The following CUX1 variants were observed in gnomAD, a reference collection of about 807,000 sequenced individuals.
CUX1 encodes protein CASP.
In CUX1, 31 loss-of-function variants were observed where a neutral mutation model predicts 158.8. That is an observed-to-expected ratio of 0.20 (90% CI 0.15 to 0.26). The LOEUF is 0.26. Among genes scored for constraint, CUX1 ranks in the 10% least tolerant of loss-of-function variants. The pLI is 1.00. For synonymous variants in CUX1, 879 were observed against 862.1 expected (o/e 1.02, Z -0.34); for missense variants, 1,589 against 2,014.6 (o/e 0.79, Z 4.04).
chr7:101,958,639 C>G (rs1370343816), intron 2 of CUX1, among the ~76,000 whole-genome samples: 2 of 151,440 alleles, frequency 1.3e-5, no homozygotes, highest in African/African-American at 4.9e-5. Context: ...CACCACCATG[C>G]CTGGCTAATT....
intron 2 of CUX1, among the ~76,000 whole-genome samples, chr7:102,022,636 AAAAG>A (rs1449567523): frequency 2.0e-5 from 3 of 151,962 alleles, no homozygotes; most frequent in African/African-American, 7.2e-5. Context: ...AAAGAAAAGA[AAAAG>A]AAAAGAATGG....
Position 102,197,083 on chromosome 7 carries a change from C to T in CUX1, c.1672C>T (p.Arg558Trp), listed in dbSNP as rs781797071. The T allele has an allele frequency of 4.3e-6, 7 of 1,614,096 alleles. No individual in the cohort carries two copies. Among genetic ancestry groups the T allele is most frequent in the Non-Finnish European group, 5.9e-6 (7 of 1,180,050 alleles). ...GEEMDTAEIARQVKEQLIKHN... is the reference protein window; with the variant it reads ...GEEMDTAEIAWQVKEQLIKHN... ...GGAGATGGACACTGCAGAAATCGCCCGGCAGGTCAAAGAGCAGCTGATTAA... is the reference window on the plus strand; with the variant it reads ...GGAGATGGACACTGCAGAAATCGCCTGGCAGGTCAAAGAGCAGCTGATTAA... Residue 558 changes from arginine (R) to tryptophan (W), a missense_variant, in exon 15 of 24, where the codon CGG (arginine) becomes TGG (tryptophan). Arg to Trp is a moderately radical substitution (Grantham distance 101). Around this residue, in one of 8 missense-constraint regions of CUX1, gnomAD observed 37 missense variants for 124.9 expected, o/e 0.30. Coordinates refer to ENST00000292535, the MANE Select transcript of CUX1 (RefSeq NM_181552.4).
upstream of CUX1, chr7:101,816,157 G>T: frequency 3.1e-6 from 3 of 959,108 alleles, no homozygotes; most frequent in Non-Finnish European, 1.3e-6. Flanking sequence ...CGCGGCCTCC[G>T]CCGGGGGCCC....
chr7:101,912,415 G>A lies in CUX1; in HGVS notation c.31-3700G>A, dbSNP rs980152115. Among the ~76,000 whole-genome samples the A allele has an allele frequency of 3.9e-5, 6 of 152,140 alleles. No homozygotes were observed. The South Asian group carries it at 6.2e-4, about 16-fold the overall frequency. ...GCCCCTGCAGGTGGACACACAGACC[G>A]TAACGCAGAGGCTCACGTGTCCCAC... On this transcript the variant is annotated intron_variant, in intron 1 of 23. Coordinates refer to ENST00000292535, the MANE Select transcript of CUX1 (RefSeq NM_181552.4).
At chr7:102,216,578 ACT>A (rs1273297133) in intron 20 of CUX1, among the ~76,000 whole-genome samples, 1 of 36,358 alleles carries the variant, frequency 2.8e-5, no homozygotes, top group African/African-American at 7.1e-5. Context: ...CCACACACAC[ACT>A]CTCCCACACA....
intron 5 of CUX1, among the ~76,000 whole-genome samples, chr7:102,100,245 T>G (rs1829635129): frequency 1.3e-5 from 2 of 152,146 alleles, no homozygotes; most frequent in African/African-American, 4.8e-5. Context: ...ACCACTGTAC[T>G]CCAGTCTGGG....
intron 1 of CUX1, among the ~76,000 whole-genome samples, chr7:101,914,368 T>TTCCTTCCCTCCCTCCCTCCC (rs1563001952): frequency 7.9e-6 from 1 of 126,528 alleles, no homozygotes; most frequent in African/African-American, 3.3e-5. Flanking sequence ...CCTTCCTTCC[T>TTCCTTCCCTCCCTCCCTCCC]TCCCTCCCTC....
Position 102,252,903 on chromosome 7 carries a change from C to T in CUX1, c.*3861C>T. The stretch of plus-strand genomic sequence containing the variant: ...GAGGCATCTTGGCATGAGGCAGCTT[C>T]TAAGCGTCTCCTGGGACAGGATTGG... On this transcript the variant is annotated 3_prime_UTR_variant, in exon 24 of 24. Coordinates refer to ENST00000292535, the MANE Select transcript of CUX1 (RefSeq NM_181552.4). 2 of 985,494 alleles carry T rather than the reference C, an allele frequency of 2.0e-6. No homozygotes were observed. The highest frequency in any genetic ancestry group is 2.4e-6 in the Non-Finnish European group (2 of 829,960). 61.0% of individuals were successfully genotyped at this position (985,494 alleles called of 1,614,324 possible). A position where few individuals can be genotyped will look rare whatever the true frequency, so the allele number is the denominator to read the frequency against.
chr7:102,216,533 CCCA>C (rs60164212), intron 20 of CUX1, among the ~76,000 whole-genome samples: 9,943 of 95,446 alleles, frequency 0.1, 837 homozygotes, highest in African/African-American at 0.19. Context: ...CACTCTCCCC[CCCA>C]CACACACACA....
In CUX1 at chr7:101,988,709, G is replaced by A. The variant is rs112962154; in HGVS notation, c.142-39389G>A. Among the ~76,000 whole-genome samples the A allele has an allele frequency of 1.1e-3, 168 of 152,128 alleles. 1 individual carries two copies. Among genetic ancestry groups the A allele is most frequent in the Non-Finnish European group, 1.9e-3 (127 of 67,998 alleles). Reference sequence around the variant, plus strand: ...TTCCTTGCGACAGAGTCCTGCGTCGGGATACCAGGGGCTGGGCGCGGTGGT... The same window carrying A: ...TTCCTTGCGACAGAGTCCTGCGTCGAGATACCAGGGGCTGGGCGCGGTGGT... On this transcript the variant is annotated intron_variant, in intron 2 of 23. Coordinates refer to ENST00000292535, the MANE Select transcript of CUX1 (RefSeq NM_181552.4).
chr7:102,109,228 A>G (rs528452695), intron 6 of CUX1, among the ~76,000 whole-genome samples: 11 of 152,210 alleles, frequency 7.2e-5, no homozygotes, highest in Non-Finnish European at 1.5e-4. Context: ...TATTTGTACC[A>G]TGTAAGACAA....
At chr7:101,908,605 G>C (rs953933336) in intron 1 of CUX1, among the ~76,000 whole-genome samples, 1 of 152,140 alleles carries the variant, frequency 6.6e-6, no homozygotes, top group Non-Finnish European at 1.5e-5. Context: ...CACCATGCCT[G>C]GCCTCAATTT....
chr7:102,127,797 T>C (rs1832808344), intron 8 of CUX1, among the ~76,000 whole-genome samples: 1 of 152,118 alleles, frequency 6.6e-6, no homozygotes, highest in Admixed American at 6.6e-5. Context: ...TATGCCTTCA[T>C]GTTCTGCCAG....
In CUX1 at chr7:102,113,534, G is replaced by T. The variant is rs1653742008; in HGVS notation, c.608-1673G>T. Among the ~76,000 whole-genome samples the T allele has an allele frequency of 2.0e-5, 3 of 152,272 alleles. No homozygotes were observed. In the South Asian group the frequency reaches 6.2e-4, roughly 32 times the overall value. On this transcript the variant is annotated intron_variant, in intron 7 of 23. Coordinates refer to ENST00000292535, the MANE Select transcript of CUX1 (RefSeq NM_181552.4). ...GCCTCCGAAAGTGCTAGGATTACAGGCATGAGCCACTGCACCCAGCCTAAT... is the reference window on the plus strand; with the variant it reads ...GCCTCCGAAAGTGCTAGGATTACAGTCATGAGCCACTGCACCCAGCCTAAT...
chr7:101,846,725 G>A (rs1412782544), intron 1 of CUX1, among the ~76,000 whole-genome samples: 3 of 152,188 alleles, frequency 2.0e-5, no homozygotes, highest in Non-Finnish European at 2.9e-5. Flanking sequence ...CCAAGGAGGT[G>A]CTAGTGGCAG....
At chr7:101,865,484 TATC>T (rs1250529193) in intron 1 of CUX1, among the ~76,000 whole-genome samples, 1 of 152,240 alleles carries the variant, frequency 6.6e-6, no homozygotes, top group African/African-American at 2.4e-5. Flanking sequence ...TGTGTGGAGT[TATC>T]ATGTTTCTCA....
intron 2 of CUX1, among the ~76,000 whole-genome samples, chr7:101,931,659 G>C (rs1010825491): frequency 2.6e-5 from 4 of 152,036 alleles, no homozygotes; most frequent in Admixed American, 6.6e-5. Context: ...TCTGCCTTCC[G>C]GGCTCAAGCG....
chr7:102,065,283 CT>C, intron 3 of CUX1, among the ~76,000 whole-genome samples: 1 of 152,234 alleles, frequency 6.6e-6, no homozygotes, highest in South Asian at 2.1e-4. Context: ...TCTCACTATG[CT>C]GCCCAAGCTG....
intron 3 of CUX1, among the ~76,000 whole-genome samples, chr7:102,063,600 C>T (rs924979823): frequency 1.3e-5 from 2 of 151,996 alleles, no homozygotes; most frequent in South Asian, 4.1e-4. Context: ...ACCATGTTGG[C>T]CAGGCTGGTC....
Sources: gnomAD v4.1 joint callset for allele counts (sites outside exome capture counted in the v4.1 genomes callset) on GRCh38, gnomAD v4.1.1 for gene constraint, gnomAD v4.1.1 regional missense constraint, MANE v1.5 for transcripts, NCBI Gene and HGNC (gene_info 2026-07-23, HGNC 2026-07-21) for gene names.